The following SBNO2 variants were observed in gnomAD, a reference collection of about 807,000 sequenced individuals.
SBNO2 encodes the protein protein strawberry notch homolog 2.
Under a neutral mutation model 146.3 loss-of-function variants are expected in SBNO2, and 89 were observed. The ratio of observed to expected loss-of-function variants is 0.61; its 90% CI spans 0.51 to 0.73. The LOEUF (loss-of-function observed/expected upper bound fraction) is 0.73, where lower values mean the gene tolerates loss of function less well. Among genes scored for constraint, SBNO2 ranks in the 30% least tolerant of loss-of-function variants. The pLI, the probability that SBNO2 is intolerant of heterozygous loss-of-function variation, is 0.00. For missense variants in SBNO2, 2,092 were observed against 2,003.7 expected (o/e 1.04, Z -0.84); for synonymous variants, 1,147 against 892.6 (o/e 1.29, Z -5.08).
rs774873165 is a variant in SBNO2 at position 1,127,533 on chromosome 19, C to T, written c.441+71G>A. On this transcript the variant is annotated intron_variant, in intron 5 of 31. Transcript: ENST00000361757. ...TGGGGGAGACTGAGACCTCACTGGA[C>T]CGTGTGGGTCCCGGGCTGGGGAGGC... 5.6e-6 allele frequency: 8 copies of T among 1,439,194 alleles called. No homozygotes were observed. In the South Asian group the frequency reaches 9.3e-5, roughly 17 times the overall value. 89.2% of individuals were successfully genotyped at this position (1,439,194 alleles called of 1,614,324 possible). A position where few individuals can be genotyped will look rare whatever the true frequency, so the allele number is the denominator to read the frequency against.
chr19:1,147,023 C>G (rs192424427), intron 4 of SBNO2, among the ~76,000 whole-genome samples: 45 of 152,270 alleles, frequency 3.0e-4, no homozygotes, highest in African/African-American at 1.0e-3. Flanking sequence ...CTCCCAGCAC[C>G]GCCCTCCCCG....
chr19:1,139,531 G>A (rs555519933), intron 4 of SBNO2, among the ~76,000 whole-genome samples: 8 of 152,034 alleles, frequency 5.3e-5, no homozygotes, highest in African/African-American at 1.4e-4. Flanking sequence ...GTGGTGGCTC[G>A]CACCTGTAAT....
At chr19:1,135,429 G>A (rs1339137124) in intron 4 of SBNO2, among the ~76,000 whole-genome samples, 1 of 152,220 alleles carries the variant, frequency 6.6e-6, no homozygotes, top group Non-Finnish European at 1.5e-5. Flanking sequence ...GGAAAGCAAC[G>A]AAACAGAAAG....
At chr19:1,142,729 T>C (rs2080152771) in intron 4 of SBNO2, among the ~76,000 whole-genome samples, 1 of 143,108 alleles carries the variant, frequency 7.0e-6, no homozygotes, top group Non-Finnish European at 1.5e-5. Context: ...TCCCAGCACT[T>C]TGGGAGACGG....
chr19:1,123,710 G>T, intron 6 of SBNO2, 71 bp from the exon 7 acceptor site: 2 of 1,438,824 alleles, frequency 1.4e-6, no homozygotes, highest in Non-Finnish European at 1.9e-6. Context: ...TCCCCCAGGG[G>T]CAGGGGCCAG....
Position 1,147,404 on chromosome 19 carries a change from C to T in SBNO2, c.184G>A (p.Ala62Thr), listed in dbSNP as rs201617173. The change falls in exon 4 of 32, where the codon GCC becomes ACC. Residue 62 changes from alanine to threonine, a missense_variant. By Grantham distance (58) the Ala-to-Thr change is moderately conservative. Transcript: ENST00000361757. Reference sequence around the variant, plus strand: ...CAGGGCTGGCTGCCGAGGAAGGAGGCGGAGCTCATGAACGGGCTGGAGGGA... The same window carrying T: ...CAGGGCTGGCTGCCGAGGAAGGAGGTGGAGCTCATGAACGGGCTGGAGGGA... ...SSDSRPFMSS[A>T]SFLGSQPCPD... is the part of the protein sequence containing the mutation. The T allele has an allele frequency of 5.8e-5, 74 of 1,266,374 alleles. No individual in the cohort carries two copies. Among genetic ancestry groups the T allele is most frequent in the Middle Eastern group, 5.9e-4 (2 of 3,370 alleles). The allele number at this position is 1,266,374 out of a possible 1,614,324, so 78.4% of individuals were successfully genotyped here. A position where few individuals can be genotyped will look rare whatever the true frequency, so the allele number is the denominator to read the frequency against.
chr19:1,137,037 C>T (rs911947055), intron 4 of SBNO2, among the ~76,000 whole-genome samples: 5 of 150,044 alleles, frequency 3.3e-5, no homozygotes, highest in South Asian at 2.1e-4. Flanking sequence ...CCAGCAGAGA[C>T]GCAAGGGATC....
intron 6 of SBNO2, 137 bp from the exon 7 acceptor site, chr19:1,123,776 G>A: frequency 9.4e-7 from 1 of 1,067,694 alleles, no homozygotes; most frequent in East Asian, 2.6e-5. Flanking sequence ...GTCTGCCCCT[G>A]CAGCAAGGTG....
intron 14 of SBNO2, 76 bp from the exon 15 acceptor site, chr19:1,117,575 C>G: frequency 6.9e-7 from 1 of 1,442,924 alleles, no homozygotes; most frequent in African/African-American, 1.4e-5. Context: ...CACCTGCCGC[C>G]AGCCCTGGGC....
intron 14 of SBNO2, among the ~76,000 whole-genome samples, chr19:1,117,859 G>A (rs139676602): frequency 1.3e-5 from 2 of 152,378 alleles, no homozygotes; most frequent in Non-Finnish European, 2.9e-5. Context: ...GGGCATGTCT[G>A]GGGCTGGCTG....
chr19:1,108,603 C>A lies in SBNO2; in HGVS notation c.3718G>T (p.Ala1240Ser). The change falls in exon 32 of 32, where the codon GCC becomes TCC. Residue 1240 changes from alanine to serine, a missense_variant. Coordinates refer to ENST00000361757, the MANE Select transcript of SBNO2 (RefSeq NM_014963.3). Reference protein sequence around the residue: ...RRQAPALGCPAPPAPRPLALP... With the variant: ...RRQAPALGCPSPPAPRPLALP... ...GCCAGCGGGCGCGGGGCGGGCGGGG[C>A]GGGGCAGCCCAGGGCGGGCGCCTGC... 6.9e-6 allele frequency: 5 copies of A among 724,794 alleles called. No homozygotes were observed. The highest frequency in any genetic ancestry group is 9.7e-6 in the Non-Finnish European group (5 of 516,506). The allele number at this position is 724,794 out of a possible 1,614,324, so 44.9% of individuals were successfully genotyped here. A position where few individuals can be genotyped will look rare whatever the true frequency, so the allele number is the denominator to read the frequency against.
chr19:1,117,210 G>C lies in SBNO2; in HGVS notation c.1704+113C>G. ...ACATCCGGGCGTCTCTCACCCACCA[G>C]GGTGCAGCCCCCGCCCACGTCTGGG... On this transcript the variant is annotated intron_variant, in intron 15 of 31. Transcript: ENST00000361757. The C allele has an allele frequency of 2.7e-6, 3 of 1,124,272 alleles. No homozygotes were observed. The South Asian group carries it at 4.8e-5, about 18-fold the overall frequency. The allele number at this position is 1,124,272 out of a possible 1,614,324, so 69.6% of individuals were successfully genotyped here.
intron 4 of SBNO2, among the ~76,000 whole-genome samples, chr19:1,129,843 G>A (rs1465531399): frequency 6.6e-6 from 1 of 152,308 alleles, no homozygotes; most frequent in South Asian, 2.1e-4. Flanking sequence ...CACACGGCCA[G>A]TCCTTCCCCG....
At chr19:1,118,840 C>A (rs1402857062) in intron 14 of SBNO2, among the ~76,000 whole-genome samples, 171 bp downstream of exon 14, 1 of 152,120 alleles carries the variant, frequency 6.6e-6, no homozygotes, top group Non-Finnish European at 1.5e-5. Flanking sequence ...CCACAGCACT[C>A]CAGCCTAGAT....
intron 1 of SBNO2, among the ~76,000 whole-genome samples, chr19:1,167,773 C>A (rs941959938): frequency 1.3e-5 from 2 of 152,212 alleles, no homozygotes; most frequent in Non-Finnish European, 2.9e-5. Context: ...CAGTACACAG[C>A]GCCAGGCCAT....
chr19:1,156,406 CAA>C, intron 1 of SBNO2, among the ~76,000 whole-genome samples: 1 of 152,260 alleles, frequency 6.6e-6, no homozygotes, highest in Middle Eastern at 3.4e-3. Context: ...CACAACCAAC[CAA>C]GAGTCAGGGC....
chr19:1,120,262 A>C, intron 11 of SBNO2: 2 of 526,130 alleles, frequency 3.8e-6, no homozygotes, highest in Non-Finnish European at 6.8e-6. Flanking sequence ...CAGACTCTAA[A>C]CAACACACAC....
At position 1,112,375 on chromosome 19, in the gene SBNO2, C is replaced by T. The variant is rs949055411; in HGVS notation, c.2515+27G>A. On this transcript the variant is annotated intron_variant, in intron 21 of 31. Coordinates refer to ENST00000361757, the MANE Select transcript of SBNO2 (RefSeq NM_014963.3). The surrounding 1 kb of genome is among the most constrained non-coding windows in gnomAD (Gnocchi z 5.9). ...AGACCATGTTGGGGGCGGGGCCAGG[C>T]AGCGCTGGGGGCGGGGCCGGACTCA... 6.3e-7 allele frequency: 1 copy of T among 1,582,260 alleles called. No individual in the cohort carries two copies. The highest frequency in any genetic ancestry group is 1.8e-4 in the Middle Eastern group (1 of 5,412).
chr19:1,156,050 G>A (rs2080287096), intron 1 of SBNO2, among the ~76,000 whole-genome samples: 1 of 152,166 alleles, frequency 6.6e-6, no homozygotes, highest in Non-Finnish European at 1.5e-5. Flanking sequence ...GGAGCTTGGG[G>A]AGGGGGCACC....
Sources: gnomAD v4.1 joint callset for allele counts (sites outside exome capture counted in the v4.1 genomes callset) on GRCh38, gnomAD v4.1.1 for gene constraint, Gnocchi (gnomAD v3.1) non-coding constraint, MANE v1.5 for transcripts, NCBI Gene and HGNC (gene_info 2026-07-23, HGNC 2026-07-21) for gene names.